The following ATP9B variants were observed in gnomAD, a reference collection of about 807,000 sequenced individuals.
ATP9B encodes the protein ATPase phospholipid transporting 9B.
A neutral mutation model predicts 146.1 loss-of-function variants in ATP9B; 110 were observed. The observed-to-expected ratio is 0.75, with a 90% CI of 0.65 to 0.88. The LOEUF (loss-of-function observed/expected upper bound fraction) is 0.88, where lower values mean the gene tolerates loss of function less well. Ranked by LOEUF, ATP9B falls within the 40% of genes least tolerant of loss-of-function variation. ATP9B has a pLI of 0.00. For missense variants in ATP9B, 1,499 were observed against 1,496.4 expected (o/e 1.00, Z -0.03); for synonymous variants, 604 against 569.7 (o/e 1.06, Z -0.86).
chr18:79,252,846 G>A (rs1353789858), intron 11 of ATP9B, among the ~76,000 whole-genome samples: 1 of 148,536 alleles, frequency 6.7e-6, no homozygotes, highest in Non-Finnish European at 1.5e-5. Context: ...AGAGACTGCT[G>A]GTAGATCGGA....
intron 1 of ATP9B, among the ~76,000 whole-genome samples, chr18:79,083,260 C>G (rs775434685): frequency 3.9e-5 from 6 of 152,206 alleles, no homozygotes; most frequent in Non-Finnish European, 1.5e-5. Context: ...CTTGCCCCAC[C>G]AAGCTTGGGC....
At chr18:79,107,872 C>G (rs1488361494) in intron 2 of ATP9B, among the ~76,000 whole-genome samples, 1 of 152,182 alleles carries the variant, frequency 6.6e-6, no homozygotes, top group Non-Finnish European at 1.5e-5. Flanking sequence ...CGTTTCAACT[C>G]TGCCATTGCC....
At chr18:79,110,295 G>A in intron 2 of ATP9B, 60 bp from the exon 3 acceptor site, 1 of 1,452,532 alleles carries the variant, frequency 6.9e-7, no homozygotes. Flanking sequence ...TGTACAATTA[G>A]TTTGAACTTT....
At chr18:79,161,732 G>C (rs997456217) in intron 7 of ATP9B, among the ~76,000 whole-genome samples, 23 of 152,146 alleles carry the variant, frequency 1.5e-4, no homozygotes, top group African/African-American at 5.6e-4. Flanking sequence ...TATAGTCCCA[G>C]GTACTTGGGA....
At chr18:79,376,389 A>AT (rs1162245001) in intron 29 of ATP9B, 162,927 of 927,956 alleles carry the variant, frequency 0.18, 2,520 homozygotes, top group African/African-American at 0.22. Flanking sequence ...ATCTGCAACC[A>AT]TTTTTTTTTT....
At chr18:79,069,781 G>A (rs2071498705) in intron 1 of ATP9B, among the ~76,000 whole-genome samples, 1 of 152,250 alleles carries the variant, frequency 6.6e-6, no homozygotes, top group Non-Finnish European at 1.5e-5. Context: ...AGCCAGAACG[G>A]GAGCAGAGAA....
At chr18:79,343,931 C>T (rs1261701047) in intron 20 of ATP9B, 2 of 378,438 alleles carry the variant, frequency 5.3e-6, no homozygotes, top group Admixed American at 4.4e-5. Flanking sequence ...CAATTACCCT[C>T]CCAAACTATC....
At chr18:79,107,862 C>T (rs779248736) in intron 2 of ATP9B, among the ~76,000 whole-genome samples, 9 of 152,108 alleles carry the variant, frequency 5.9e-5, no homozygotes, top group African/African-American at 1.2e-4. Flanking sequence ...TCCAGGCTCT[C>T]GTTTCAACTC....
At chr18:79,224,424 T>G (rs2095709795) in intron 11 of ATP9B, among the ~76,000 whole-genome samples, 1 of 152,096 alleles carries the variant, frequency 6.6e-6, no homozygotes, top group Non-Finnish European at 1.5e-5. Flanking sequence ...GGCATGTGGA[T>G]GGTGGTTATG....
At chr18:79,261,009 G>C (rs1450427937) in intron 12 of ATP9B, among the ~76,000 whole-genome samples, 1 of 152,228 alleles carries the variant, frequency 6.6e-6, no homozygotes, top group Non-Finnish European at 1.5e-5. Flanking sequence ...AGGGTCCACA[G>C]GTGGAGAGGA....
rs58268720 is a variant in ATP9B at position 79,139,843 on chromosome 18, G to A, written c.668-3959G>A. On this transcript the variant is annotated intron_variant, in intron 5 of 29. Transcript: ENST00000426216. ...ACTCCCACTAACCTTCCCAGCCTCT[G>A]GTAATCACCCTTCTACTCTCTGTCT... Among the ~76,000 whole-genome samples, 1,341 of 152,142 alleles carry A rather than the reference G, an allele frequency of 8.8e-3. 19 individuals carry two copies. Among genetic ancestry groups the A allele is most frequent in the African/African-American group, 0.029 (1,220 of 41,484 alleles).
At chr18:79,125,400 A>G (rs1271957271) in intron 4 of ATP9B, among the ~76,000 whole-genome samples, 1 of 152,242 alleles carries the variant, frequency 6.6e-6, no homozygotes. Flanking sequence ...CTTGAGAAAA[A>G]TACCATTTCA....
At chr18:79,090,573 T>C (rs910427667) in intron 1 of ATP9B, among the ~76,000 whole-genome samples, 1 of 152,234 alleles carries the variant, frequency 6.6e-6, no homozygotes, top group African/African-American at 2.4e-5. Context: ...GTATGTCTTC[T>C]TTTGAGAAAT....
chr18:79,376,137 C>T, intron 29 of ATP9B: 1 of 983,316 alleles, frequency 1.0e-6, no homozygotes. Flanking sequence ...CCCTCTGTTG[C>T]CCCCAGCCCC....
chr18:79,169,646 T>C (rs2095039365), intron 7 of ATP9B, among the ~76,000 whole-genome samples: 2 of 152,262 alleles, frequency 1.3e-5, no homozygotes, highest in South Asian at 4.1e-4. Context: ...TTGTTAATTA[T>C]GAATACTTAA....
intron 11 of ATP9B, among the ~76,000 whole-genome samples, chr18:79,234,079 G>T (rs1305365958): frequency 6.6e-6 from 1 of 152,092 alleles, no homozygotes; most frequent in Non-Finnish European, 1.5e-5. Context: ...TCAACTACAG[G>T]TAAGTGCTGG....
intron 4 of ATP9B, among the ~76,000 whole-genome samples, chr18:79,123,396 A>G (rs577433676): frequency 3.8e-4 from 58 of 151,676 alleles, no homozygotes; most frequent in African/African-American, 1.4e-3. Flanking sequence ...TTTGAAAAAA[A>G]AGAAAGGTCT....
At chr18:79,110,619 A>T (rs1355047406) in intron 3 of ATP9B, 114 bp downstream of exon 3, 1 of 992,086 alleles carries the variant, frequency 1.0e-6, no homozygotes, top group African/African-American at 1.7e-5. Flanking sequence ...TGTCACATCC[A>T]AATCAGTGTC....
chr18:79,181,642 C>T (rs1044923624), intron 8 of ATP9B, among the ~76,000 whole-genome samples: 3 of 151,918 alleles, frequency 2.0e-5, no homozygotes, highest in Non-Finnish European at 4.4e-5. Context: ...GTATCTGTTG[C>T]TCTGTCATTA....
Sources: allele counts gnomAD v4.1 joint callset (sites outside exome capture counted in the v4.1 genomes callset), GRCh38; gene constraint gnomAD v4.1.1; transcripts MANE v1.5; gene names NCBI Gene and HGNC (gene_info 2026-07-23, HGNC 2026-07-21).